Variants in MACROD2 observed in about 807,000 individuals in gnomAD.
MACROD2 encodes mono-ADP ribosylhydrolase 2.
Under a neutral mutation model 70.4 loss-of-function variants are expected in MACROD2, and 36 were observed. That is an observed-to-expected ratio of 0.51 (90% CI 0.39 to 0.68). The LOEUF is 0.68. Ranked by LOEUF, MACROD2 falls within the 30% of genes least tolerant of loss-of-function variation. MACROD2 has a pLI of 0.00. For missense variants in MACROD2, 496 were observed against 538.4 expected, an observed-to-expected ratio of 0.92 and a Z score of 0.78; for synonymous variants, 172 against 178.8, an observed-to-expected ratio of 0.96 and a Z score of 0.30.
At chr20:15,711,865 G>A (rs192427706) in intron 8 of MACROD2, among the ~76,000 whole-genome samples, 153 of 152,206 alleles carry the variant, frequency 1.0e-3, no homozygotes, top group Non-Finnish European at 1.8e-3. Context: ...ACTGCGACAG[G>A]GGTGGGCACC....
chr20:15,142,210 C>A (rs900796939), intron 5 of MACROD2, among the ~76,000 whole-genome samples: 2 of 152,134 alleles, frequency 1.3e-5, no homozygotes, highest in African/African-American at 4.8e-5. Context: ...TACTAAGACT[C>A]AATAAATACA....
chr20:15,718,564 GC>G (rs961930388), intron 8 of MACROD2, among the ~76,000 whole-genome samples: 10 of 152,176 alleles, frequency 6.6e-5, no homozygotes, highest in Non-Finnish European at 1.5e-4. Context: ...GGGTGGATAA[GC>G]AGTGTAGGGT....
intron 10 of MACROD2, among the ~76,000 whole-genome samples, chr20:15,927,337 C>T (rs1410525952): frequency 6.6e-6 from 1 of 152,142 alleles, no homozygotes; most frequent in Non-Finnish European, 1.5e-5. Context: ...AGAGACATCT[C>T]TCTGCAGAGG....
At chr20:14,006,398 T>A (rs937413115) in intron 2 of MACROD2, among the ~76,000 whole-genome samples, 13 of 152,204 alleles carry the variant, frequency 8.5e-5, no homozygotes, top group African/African-American at 2.7e-4. Context: ...CTATTTTGAA[T>A]GAAATCACAT....
chr20:15,678,072 A>G (rs902513091), intron 8 of MACROD2, among the ~76,000 whole-genome samples: 12 of 151,452 alleles, frequency 7.9e-5, no homozygotes, highest in Non-Finnish European at 1.5e-4. Context: ...TGAAAAAAAA[A>G]ATGTATTTCA....
chr20:15,347,217 C>A (rs1278669201), intron 6 of MACROD2, among the ~76,000 whole-genome samples: 3 of 152,060 alleles, frequency 2.0e-5, no homozygotes, highest in Admixed American at 6.6e-5. Flanking sequence ...ATTTATATAG[C>A]CTTATTGTCC....
Position 14,689,756 on chromosome 20 carries a change from C to T in MACROD2, c.418+4797C>T, listed in dbSNP as rs550459321. 3.9e-4 allele frequency among the ~76,000 whole-genome samples: 60 copies of T among 152,284 alleles called. No individual in the cohort carries two copies. The Middle Eastern group carries it at 0.01, about 26-fold the overall frequency. ...TCTTTTTTCTTCACACTCCAGAATA[C>T]TTCATGTTAACATACTGAGGGCACT... is the stretch of plus-strand genomic sequence containing the variant. On this transcript the variant is annotated intron_variant, in intron 5 of 17. Coordinates refer to ENST00000684519, the MANE Select transcript of MACROD2 (RefSeq NM_001351661.2).
chr20:14,710,114 A>T (rs980125758), intron 5 of MACROD2, among the ~76,000 whole-genome samples: 2 of 152,202 alleles, frequency 1.3e-5, no homozygotes, highest in Non-Finnish European at 2.9e-5. Flanking sequence ...CGGTCAGAAG[A>T]TAATTCACAA....
rs2073331965 is a variant in MACROD2, at chr20:14,862,054, T to TAAAA, written c.418+177096_418+177097insAAAA. Among the ~76,000 whole-genome samples, 6 of 3,058 alleles carry TAAAA rather than the reference T, an allele frequency of 2.0e-3. 2 individuals are homozygous for TAAAA. The highest frequency in any genetic ancestry group is 3.3e-3 in the African/African-American group (6 of 1,824). 2.0% of individuals were successfully genotyped at this position (3,058 alleles called of 152,430 possible). On this transcript the variant is annotated intron_variant, in intron 5 of 17. Coordinates refer to ENST00000684519, the MANE Select transcript of MACROD2 (RefSeq NM_001351661.2). ...TTATATATATTTATATATATATTTA[T>TAAAA]ATATATATAAATATATATAAATATA... is the stretch of plus-strand genomic sequence containing the variant.
intron 15 of MACROD2, among the ~76,000 whole-genome samples, chr20:16,018,498 A>G (rs529539290): frequency 6.6e-6 from 1 of 151,884 alleles, no homozygotes; most frequent in Admixed American, 6.6e-5. Flanking sequence ...AGATGGTCTT[A>G]TCTCCTACTT....
At chr20:14,602,631 GTAAC>G (rs1351687509) in intron 4 of MACROD2, among the ~76,000 whole-genome samples, 1 of 152,162 alleles carries the variant, frequency 6.6e-6, no homozygotes, top group African/African-American at 2.4e-5. Context: ...AATGTGCTCT[GTAAC>G]TAAGATTTCA....
At chr20:15,037,743 T>C (rs905832023) in intron 5 of MACROD2, among the ~76,000 whole-genome samples, 14 of 152,182 alleles carry the variant, frequency 9.2e-5, no homozygotes, top group African/African-American at 2.4e-5. Context: ...TTTTACCATG[T>C]ATTAGCTGTA....
At position 14,797,802 on chromosome 20, in the gene MACROD2, G is replaced by A. The variant is rs192042827; in HGVS notation, c.418+112843G>A. On this transcript the variant is annotated intron_variant, in intron 5 of 17. Transcript: ENST00000684519. ...GACCTGGATGATGCCTGCTTTACTT[G>A]ACCTTTGTATTCCCAGTGCGTATTG... is the stretch of plus-strand genomic sequence containing the variant. Among the ~76,000 whole-genome samples the A allele has an allele frequency of 1.3e-3, 195 of 152,074 alleles. 1 individual carries two copies. The highest frequency in any genetic ancestry group is 4.4e-3 in the African/African-American group (182 of 41,430).
At chr20:14,859,701 A>G (rs74873587) in intron 5 of MACROD2, among the ~76,000 whole-genome samples, 1 of 152,156 alleles carries the variant, frequency 6.6e-6, no homozygotes, top group African/African-American at 2.4e-5. Context: ...TTATAATTCT[A>G]CTTTGGAAAT....
chr20:14,254,839 G>T (rs113297352), intron 3 of MACROD2, among the ~76,000 whole-genome samples: 43 of 152,122 alleles, frequency 2.8e-4, no homozygotes, highest in African/African-American at 9.4e-4. Flanking sequence ...TCCTAGCCTC[G>T]ATGGTCTTTA....
intron 4 of MACROD2, among the ~76,000 whole-genome samples, chr20:14,587,028 G>T (rs1217517520): frequency 3.3e-5 from 5 of 151,734 alleles, no homozygotes; most frequent in Non-Finnish European, 7.4e-5. Flanking sequence ...TTAATTTAGA[G>T]AAACTAGATT....
At position 15,482,226 on chromosome 20, in the gene MACROD2, GTTACT is replaced by G. The variant is rs557912467; in HGVS notation, c.572-17544_572-17540del. On this transcript the variant is annotated intron_variant, in intron 7 of 17. Coordinates refer to ENST00000684519, the MANE Select transcript of MACROD2 (RefSeq NM_001351661.2). ...CTTACTCTTAAAGAACAAACTCACA[GTTACT>G]TTAAGTTTTCAAGGTTTTTTACTAA... Among the ~76,000 whole-genome samples, 222 of 152,222 alleles carry G rather than the reference GTTACT, an allele frequency of 1.5e-3. 2 individuals are homozygous for G. Among genetic ancestry groups the G allele is most frequent in the African/African-American group, 5.2e-3 (215 of 41,528 alleles).
intron 11 of MACROD2, 90 bp downstream of exon 11, chr20:15,933,428 T>A: frequency 8.1e-7 from 1 of 1,233,380 alleles, no homozygotes; most frequent in Non-Finnish European, 1.1e-6. Flanking sequence ...TGAAAATGCT[T>A]ATACATTTCA....
chr20:14,239,546 A>C (rs6074710), intron 3 of MACROD2, among the ~76,000 whole-genome samples: 147,532 of 152,222 alleles, frequency 0.97, 71,510 homozygotes, highest in Admixed American at 0.99. Context: ...GAATAGAGAG[A>C]CCTGAAATAA....
Sources: gnomAD v4.1 joint callset for allele counts (sites outside exome capture counted in the v4.1 genomes callset) on GRCh38, gnomAD v4.1.1 for gene constraint, MANE v1.5 for transcripts, NCBI Gene and HGNC (gene_info 2026-07-23, HGNC 2026-07-21) for gene names.